The following CRTAP variants were observed in gnomAD, a reference collection of about 807,000 sequenced individuals.
The protein encoded by CRTAP is cartilage associated protein, also known as cartilage-associated protein.
CRTAP carries 33 observed loss-of-function variants against 42.7 expected under a neutral mutation model. That is an observed-to-expected ratio of 0.77 (90% CI 0.59 to 1.03). The LOEUF is 1.03. Ranked by LOEUF, CRTAP falls within the 50% of genes least tolerant of loss-of-function variation. CRTAP has a pLI of 0.00. For missense variants in CRTAP, 613 were observed against 533.9 expected (o/e 1.15, Z -1.46); for synonymous variants, 243 against 217.7 (o/e 1.12, Z -1.02).
chr3:33,132,473 T>TA, intron 4 of CRTAP, 82 bp from the exon 5 acceptor site: 1 of 1,575,288 alleles, frequency 6.3e-7, no homozygotes, highest in Non-Finnish European at 8.7e-7. Context: ...GGCTTGTTCA[T>TA]ATGGCCTTTT....
rs1371305889 is a variant in CRTAP, at chr3:33,114,284, C to A, written c.207C>A (p.Ile69=). The A allele has an allele frequency of 5.1e-6, 8 of 1,575,970 alleles. No individual in the cohort carries two copies. The South Asian group carries it at 6.9e-5, about 14-fold the overall frequency. ...CCGAGAGCGTGGGCTACCTGGAGAT[C>A]AGCCTGCGGCTGCACCGCTTGCTGC... The part of the protein sequence containing the change: ...HWAESVGYLE[I]SLRLHRLLRD... The change falls in exon 1 of 7, where the codon ATC becomes ATA. Residue 69 remains isoleucine, a synonymous_variant. Transcript: ENST00000320954.
At chr3:33,133,887 G>T in intron 5 of CRTAP, among the ~76,000 whole-genome samples, 1 of 152,036 alleles carries the variant, frequency 6.6e-6, no homozygotes, top group Non-Finnish European at 1.5e-5. Context: ...CTTTGCTCTT[G>T]TATTTTCATT....
intron 6 of CRTAP, among the ~76,000 whole-genome samples, chr3:33,137,066 T>G (rs1404053776): frequency 7.5e-6 from 1 of 132,680 alleles, no homozygotes; most frequent in African/African-American, 2.5e-5. Flanking sequence ...AACTTAATAT[T>G]GTCTTTTTTT....
At chr3:33,117,300 G>C (rs1424526832) in intron 1 of CRTAP, among the ~76,000 whole-genome samples, 1 of 152,124 alleles carries the variant, frequency 6.6e-6, no homozygotes, top group Non-Finnish European at 1.5e-5. Context: ...AGTGATTAAG[G>C]AGAAATGCCT....
At chr3:33,116,802 A>G (rs959587637) in intron 1 of CRTAP, among the ~76,000 whole-genome samples, 2 of 152,086 alleles carry the variant, frequency 1.3e-5, no homozygotes, top group African/African-American at 2.4e-5. Flanking sequence ...TGTATGGTGT[A>G]TTTTTTCTCA....
At chr3:33,121,275 G>A (rs2029874110) in intron 2 of CRTAP, among the ~76,000 whole-genome samples, 2 of 152,248 alleles carry the variant, frequency 1.3e-5, no homozygotes, top group Middle Eastern at 3.4e-3. Flanking sequence ...TGGGCGTGGT[G>A]ACTCAGCATG....
At chr3:33,134,058 A>G (rs181421220) in intron 5 of CRTAP, 124 bp from the exon 6 acceptor site, 49 of 725,394 alleles carry the variant, frequency 6.8e-5, no homozygotes, top group East Asian at 5.9e-4. Context: ...TACAGCCATT[A>G]CCACTATCTA....
At chr3:33,139,137 C>G (rs2030504252) in intron 6 of CRTAP, among the ~76,000 whole-genome samples, 1 of 151,762 alleles carries the variant, frequency 6.6e-6, no homozygotes. Context: ...CAGTGAGACA[C>G]TGTCTAAAAA....
chr3:33,137,271 C>A (rs1375261245), intron 6 of CRTAP, among the ~76,000 whole-genome samples: 4 of 152,160 alleles, frequency 2.6e-5, no homozygotes. Context: ...ATCCTAGTAG[C>A]TGGGATTACA....
intron 6 of CRTAP, among the ~76,000 whole-genome samples, chr3:33,136,363 G>A (rs2125605456): frequency 6.6e-6 from 1 of 152,172 alleles, no homozygotes; most frequent in East Asian, 1.9e-4. Context: ...ATGACCATTT[G>A]TGTACAAATT....
Position 33,122,328 on chromosome 3 carries a change from A to G in CRTAP, c.621+1835A>G, listed in dbSNP as rs114985870. Among the ~76,000 whole-genome samples, 407 of 151,892 alleles carry G rather than the reference A, an allele frequency of 2.7e-3. 1 individual carries two copies. Among genetic ancestry groups the G allele is most frequent in the African/African-American group, 9.4e-3 (388 of 41,374 alleles). ...CAGAACCAGCTGTCTGGAGTTGGCT[A>G]CTTATTGACCCATTCTTCAGGAAAG... On this transcript the variant is annotated intron_variant, in intron 2 of 6. Coordinates refer to ENST00000320954, the MANE Select transcript of CRTAP (RefSeq NM_006371.5).
At chr3:33,133,263 T>C (rs913172505) in intron 5 of CRTAP, among the ~76,000 whole-genome samples, 145 of 25,310 alleles carry the variant, frequency 5.7e-3, no homozygotes, top group Non-Finnish European at 5.5e-3. Flanking sequence ...CTCTCTCTCT[T>C]TTTTTTTTTT....
In CRTAP at chr3:33,114,082, A is replaced by AGCCGGGGC; in HGVS notation, c.13_20dup (p.Ala9GlyfsTer7). On this transcript the variant is annotated frameshift_variant, in exon 1 of 7. Coordinates refer to ENST00000320954, the MANE Select transcript of CRTAP (RefSeq NM_006371.5). LOFTEE classifies it high-confidence loss of function. Reference sequence around the variant, plus strand: ...TCCTTCCTTTCGCCGGGCGCGATGGAGCCGGGGCGCCGGGGGGCCGCGGCG... The same window carrying AGCCGGGGC: ...TCCTTCCTTTCGCCGGGCGCGATGGAGCCGGGGCGCCGGGGCGCCGGGGGGCCGCGGCG... The AGCCGGGGC allele has an allele frequency of 2.7e-6, 4 of 1,459,878 alleles. No homozygotes were observed. The highest frequency in any genetic ancestry group is 2.7e-6 in the Non-Finnish European group (3 of 1,112,820). 90.4% of individuals were successfully genotyped at this position (1,459,878 alleles called of 1,614,324 possible).
rs1340145788 is a variant in CRTAP at position 33,145,530 on chromosome 3, G to C, written c.*3082G>C. On this transcript the variant is annotated 3_prime_UTR_variant, in exon 7 of 7. Coordinates refer to ENST00000320954, the MANE Select transcript of CRTAP (RefSeq NM_006371.5). The surrounding 1 kb of genome is among the most constrained non-coding windows in gnomAD (Gnocchi z 4.3). ...ACTTCCTTTTGAACTCAGTGGGGAA[G>C]AGGGTGATGAGACAGGACTAGAAAG... The C allele has an allele frequency of 6.6e-6, 1 of 152,288 alleles. No homozygotes were observed. The highest frequency in any genetic ancestry group is 1.5e-5 in the Non-Finnish European group (1 of 68,104). The allele number at this position is 152,288 out of a possible 1,614,324, so 9.4% of individuals were successfully genotyped here.
intron 3 of CRTAP, among the ~76,000 whole-genome samples, chr3:33,124,956 C>T (rs2030017912): frequency 6.6e-6 from 1 of 152,160 alleles, no homozygotes; most frequent in Non-Finnish European, 1.5e-5. Context: ...TAGAATGAAC[C>T]TTTAAGTGGC....
At chr3:33,132,435 G>A in intron 4 of CRTAP, 120 bp from the exon 5 acceptor site, 1 of 1,428,886 alleles carries the variant, frequency 7.0e-7, no homozygotes, top group Non-Finnish European at 9.8e-7. Context: ...TCGGCCCCAG[G>A]CTCTCTGAAG....
intron 6 of CRTAP, among the ~76,000 whole-genome samples, chr3:33,137,597 A>C (rs1320514189): frequency 6.6e-6 from 1 of 152,222 alleles, no homozygotes; most frequent in Non-Finnish European, 1.5e-5. Context: ...TATTCTAGTT[A>C]TAAGTTCCTT....
At chr3:33,139,817 A>G (rs2030525173) in intron 6 of CRTAP, among the ~76,000 whole-genome samples, 1 of 152,186 alleles carries the variant, frequency 6.6e-6, no homozygotes, top group African/African-American at 2.4e-5. Flanking sequence ...ATTTTGTCAA[A>G]TGCTTTTTCT....
intron 6 of CRTAP, 55 bp downstream of exon 6, chr3:33,134,320 T>A (rs749557477): frequency 2.2e-5 from 25 of 1,155,724 alleles, no homozygotes; most frequent in Non-Finnish European, 3.1e-5. Flanking sequence ...ATTACTCACA[T>A]CTTTGCTAGA....
Sources: allele counts gnomAD v4.1 joint callset (sites outside exome capture counted in the v4.1 genomes callset), GRCh38; gene constraint gnomAD v4.1.1; non-coding constraint Gnocchi (gnomAD v3.1); transcripts MANE v1.5; gene names NCBI Gene and HGNC (gene_info 2026-07-23, HGNC 2026-07-21).